NEGR1: variants seen among roughly 807,000 people sequenced by gnomAD.
NEGR1 encodes IgLON family member 4.
A neutral mutation model predicts 40.9 loss-of-function variants in NEGR1; 10 were observed. The observed-to-expected ratio is 0.24, with a 90% CI of 0.15 to 0.42. NEGR1 has a LOEUF of 0.42. NEGR1 is among the 10% of genes least tolerant of loss of function. NEGR1 has a pLI of 1.00. For synonymous variants in NEGR1, 185 were observed against 166.8 expected (o/e 1.11, Z -0.84); for missense variants, 352 against 438.9 (o/e 0.80, Z 1.77).
intron 6 of NEGR1, among the ~76,000 whole-genome samples, chr1:71,584,961 T>C (rs370896686): frequency 1.1e-4 from 16 of 152,264 alleles, no homozygotes; most frequent in Admixed American, 8.5e-4. Context: ...GCCTTTTTCA[T>C]AGGTTACTGG....
intron 1 of NEGR1, among the ~76,000 whole-genome samples, chr1:72,230,368 A>G (rs1462197780): frequency 6.6e-6 from 1 of 152,188 alleles, no homozygotes; most frequent in Non-Finnish European, 1.5e-5. Flanking sequence ...GATTAGTACA[A>G]ATGGAATCTA....
At chr1:72,031,589 G>A (rs1482233389) in intron 1 of NEGR1, among the ~76,000 whole-genome samples, 1 of 152,158 alleles carries the variant, frequency 6.6e-6, no homozygotes, top group Non-Finnish European at 1.5e-5. Flanking sequence ...ACTTAAATCT[G>A]AGAGCATCAC....
At chr1:71,652,664 G>A (rs1276822042) in intron 4 of NEGR1, among the ~76,000 whole-genome samples, 2 of 152,150 alleles carry the variant, frequency 1.3e-5, no homozygotes, top group East Asian at 1.9e-4. Flanking sequence ...CCAGGCGTTC[G>A]AGACCAGCCT....
At chr1:72,136,507 G>A (rs1250907013) in intron 1 of NEGR1, among the ~76,000 whole-genome samples, 3 of 150,862 alleles carry the variant, frequency 2.0e-5, no homozygotes, top group African/African-American at 4.9e-5. Context: ...TCCAAAACAG[G>A]AGTGAGAGAA....
chr1:72,126,091 ATGTGTGTGTGTG>A (rs67552146), intron 1 of NEGR1, among the ~76,000 whole-genome samples: 28,517 of 146,700 alleles, frequency 0.19, 3,297 homozygotes, highest in Non-Finnish European at 0.26. Flanking sequence ...AGAGAAAAGT[ATGTGTGTGTGTG>A]TGTGTGTGTG....
chr1:72,083,394 C>A (rs1314231649), intron 1 of NEGR1, among the ~76,000 whole-genome samples: 1 of 151,804 alleles, frequency 6.6e-6, no homozygotes, highest in Admixed American at 6.6e-5. Flanking sequence ...GTTTCCCAGG[C>A]CGGAATGCAG....
chr1:71,454,573 C>G (rs1482317565), intron 6 of NEGR1, among the ~76,000 whole-genome samples: 1 of 152,086 alleles, frequency 6.6e-6, no homozygotes, highest in Non-Finnish European at 1.5e-5. Flanking sequence ...AAAAATTTAC[C>G]TTCCACTCTT....
intron 1 of NEGR1, among the ~76,000 whole-genome samples, chr1:72,202,913 T>C (rs1458002843): frequency 6.6e-6 from 1 of 151,990 alleles, no homozygotes; most frequent in Non-Finnish European, 1.5e-5. Context: ...CGAAAGCACA[T>C]CTGTTTACAG....
At chr1:71,608,973 A>G (rs1650155593) in intron 5 of NEGR1, among the ~76,000 whole-genome samples, 1 of 152,204 alleles carries the variant, frequency 6.6e-6, no homozygotes, top group Admixed American at 6.5e-5. Context: ...CTAGGTTATC[A>G]AAATCTGAGA....
intron 1 of NEGR1, among the ~76,000 whole-genome samples, chr1:72,176,850 G>T (rs1652185107): frequency 6.6e-6 from 1 of 152,044 alleles, no homozygotes; most frequent in African/African-American, 2.4e-5. Flanking sequence ...GAAATGGCCA[G>T]ATGTAGATAG....
At chr1:72,057,545 A>G (rs367778183) in intron 1 of NEGR1, among the ~76,000 whole-genome samples, 42 of 151,628 alleles carry the variant, frequency 2.8e-4, no homozygotes, top group African/African-American at 9.2e-4. Flanking sequence ...GGTATGGCTG[A>G]CAGCTGGCAG....
intron 1 of NEGR1, among the ~76,000 whole-genome samples, chr1:71,964,425 C>T (rs1001271728): frequency 1.3e-4 from 20 of 152,210 alleles, no homozygotes; most frequent in African/African-American, 4.3e-4. Flanking sequence ...TCCAGTCAGT[C>T]GCCAAGGAGA....
chr1:72,168,011 T>A (rs368707113), intron 1 of NEGR1, among the ~76,000 whole-genome samples: 1 of 116,938 alleles, frequency 8.6e-6, no homozygotes, highest in African/African-American at 3.1e-5. Context: ...TATTATTTTT[T>A]TTTTTTTTTC....
In NEGR1 at chr1:71,561,293, C is replaced by A. The variant is rs1443092495; in HGVS notation, c.940+31524G>T. Among the ~76,000 whole-genome samples, 5 of 151,598 alleles carry A rather than the reference C, an allele frequency of 3.3e-5. No homozygotes were observed. In the East Asian group the frequency reaches 9.7e-4, roughly 29 times the overall value. On this transcript the variant is annotated intron_variant, in intron 6 of 6. Transcript: ENST00000357731. ...ACTCAAATTTCAATTTTTCCCATAG[C>A]CCATGTTATTATACATCTAGGTTTG... is the stretch of plus-strand genomic sequence containing the variant.
In NEGR1 at chr1:71,610,885, G is replaced by T. The variant is rs554414423; in HGVS notation, c.788+141C>A. ...TTAGCTACTCATCCCTCCCACGTGG[G>T]CCCCTTCAGTTTGCTTGCTGGAGAG... On this transcript the variant is annotated intron_variant, in intron 5 of 6. Coordinates refer to ENST00000357731, the MANE Select transcript of NEGR1 (RefSeq NM_173808.3). The T allele has an allele frequency of 1.2e-5, 9 of 736,016 alleles. No individual in the cohort carries two copies. In the South Asian group the frequency reaches 1.5e-4, roughly 12 times the overall value. The allele number at this position is 736,016 out of a possible 1,614,324, so 45.6% of individuals were successfully genotyped here.
intron 6 of NEGR1, among the ~76,000 whole-genome samples, chr1:71,583,513 C>T (rs1649204881): frequency 6.6e-6 from 1 of 152,174 alleles, no homozygotes; most frequent in Admixed American, 6.5e-5. Flanking sequence ...GTCAAGCCTG[C>T]AGAGTTGATG....
chr1:71,854,892 T>A (rs1570434961), intron 2 of NEGR1, among the ~76,000 whole-genome samples: 1 of 152,082 alleles, frequency 6.6e-6, no homozygotes, highest in Admixed American at 6.6e-5. Context: ...GAATTCAAGA[T>A]GAGATTTGGG....
rs567745578 is a variant in NEGR1 at position 71,647,722 on chromosome 1, A to C, written c.668-36576T>G. ...TTTCCTTTATTCACCTTTATGACTA[A>C]TGTCACTATTTGCAGCTAAGAGTGA... is the stretch of plus-strand genomic sequence containing the variant. On this transcript the variant is annotated intron_variant, in intron 4 of 6. Transcript: ENST00000357731. 5.9e-5 allele frequency among the ~76,000 whole-genome samples: 9 copies of C among 152,058 alleles called. No homozygotes were observed. The South Asian group carries it at 1.7e-3, about 28-fold the overall frequency.
chr1:71,488,974 G>T (rs1482122587), intron 6 of NEGR1, among the ~76,000 whole-genome samples: 3 of 151,754 alleles, frequency 2.0e-5, no homozygotes, highest in African/African-American at 7.3e-5. Flanking sequence ...ACAGTTATTT[G>T]ACCTTTTAAG....
Sources: gnomAD v4.1 joint callset for allele counts (sites outside exome capture counted in the v4.1 genomes callset) on GRCh38, gnomAD v4.1.1 for gene constraint, MANE v1.5 for transcripts, NCBI Gene and HGNC (gene_info 2026-07-23, HGNC 2026-07-21) for gene names.